Variants in TXNL1 observed in about 807,000 individuals in gnomAD.
The protein encoded by TXNL1 is thioredoxin-like protein 1.
TXNL1 carries 14 observed loss-of-function variants against 35.5 expected under a neutral mutation model. The ratio of observed to expected loss-of-function variants is 0.39; its 90% CI spans 0.26 to 0.62. TXNL1 has a LOEUF of 0.62. TXNL1 is among the 20% of genes least tolerant of loss of function. TXNL1 has a pLI of 0.47. For missense variants in TXNL1, 263 were observed against 349.7 expected (o/e 0.75, Z 1.98); for synonymous variants, 110 against 115.5 (o/e 0.95, Z 0.31).
chr18:56,612,382 T>G (rs2024010937), intron 6 of TXNL1, among the ~76,000 whole-genome samples: 1 of 148,312 alleles, frequency 6.7e-6, no homozygotes, highest in African/African-American at 2.6e-5. Context: ...ACTATGTGCC[T>G]CATTTTTTTT....
intron 1 of TXNL1, among the ~76,000 whole-genome samples, chr18:56,633,906 C>T (rs189933185): frequency 9.3e-4 from 135 of 144,938 alleles, no homozygotes; most frequent in Non-Finnish European, 1.6e-3. Context: ...ATTGCTTGAA[C>T]CTGGGAGGCA....
In TXNL1 at chr18:56,598,184, C is replaced by T. The variant is rs1400853940; in HGVS notation, c.*4843G>A. 6.6e-6 allele frequency: 1 copy of T among 152,164 alleles called. No homozygotes were observed. Among genetic ancestry groups the T allele is most frequent in the Non-Finnish European group, 1.5e-5 (1 of 68,038 alleles). 9.4% of individuals were successfully genotyped at this position (152,164 alleles called of 1,614,324 possible). ...TCTCTGACTCAACCCAAGCATCTCC[C>T]CTTGGACCCTGAGAATTTTTTCAAC... On this transcript the variant is annotated 3_prime_UTR_variant, in exon 8 of 8. Transcript: ENST00000217515.
rs138599285 is a variant in TXNL1 at position 56,601,654 on chromosome 18, T to G, written c.*1373A>C. 116 of 152,300 alleles carry G rather than the reference T, an allele frequency of 7.6e-4. No homozygotes were observed. Among genetic ancestry groups the G allele is most frequent in the African/African-American group, 2.5e-3 (105 of 41,582 alleles). 9.4% of individuals were successfully genotyped at this position (152,300 alleles called of 1,614,324 possible). On this transcript the variant is annotated 3_prime_UTR_variant, in exon 8 of 8. Transcript: ENST00000217515. Reference sequence around the variant, plus strand: ...TTCAACACTAAAACTTCTGTAGAATTTTTTCATAAACAAGTATAAACACAC... The same window carrying G: ...TTCAACACTAAAACTTCTGTAGAATGTTTTCATAAACAAGTATAAACACAC...
chr18:56,605,725 AAG>A (rs2023882080), intron 7 of TXNL1, among the ~76,000 whole-genome samples: 2 of 152,214 alleles, frequency 1.3e-5, no homozygotes, highest in African/African-American at 4.8e-5. Context: ...TGATGCCTAT[AAG>A]AGCCAAAACC....
At chr18:56,613,630 A>C (rs749101744) in intron 6 of TXNL1, among the ~76,000 whole-genome samples, 31 of 152,066 alleles carry the variant, frequency 2.0e-4, no homozygotes, top group Non-Finnish European at 3.5e-4. Flanking sequence ...CCTGGGCCAC[A>C]CAGGGAGAGA....
At chr18:56,633,204 T>C (rs1202764275) in intron 1 of TXNL1, among the ~76,000 whole-genome samples, 1 of 152,010 alleles carries the variant, frequency 6.6e-6, no homozygotes, top group East Asian at 1.9e-4. Flanking sequence ...TCCCAGCACT[T>C]TGGGAGGCCG....
intron 1 of TXNL1, among the ~76,000 whole-genome samples, chr18:56,637,569 A>G (rs1386562835): frequency 6.6e-6 from 1 of 152,204 alleles, no homozygotes; most frequent in Admixed American, 6.5e-5. Flanking sequence ...TCTACGACCT[A>G]TAATTTTGTT....
chr18:56,615,817 C>T (rs990448093), intron 5 of TXNL1, among the ~76,000 whole-genome samples: 1 of 152,092 alleles, frequency 6.6e-6, no homozygotes, highest in African/African-American at 2.4e-5. Flanking sequence ...ATTATTTACT[C>T]ATTCATTTAC....
intron 1 of TXNL1, among the ~76,000 whole-genome samples, chr18:56,632,166 T>A (rs576209419): frequency 9.3e-4 from 142 of 152,206 alleles, no homozygotes; most frequent in Non-Finnish European, 1.6e-3. Context: ...TAAAACAAAT[T>A]CCATTTCATG....
Position 56,617,480 on chromosome 18 carries a change from T to C in TXNL1, c.492+524A>G, listed in dbSNP as rs1236160053. Among the ~76,000 whole-genome samples the C allele has an allele frequency of 3.3e-5, 5 of 152,146 alleles. No homozygotes were observed. In the East Asian group the frequency reaches 9.6e-4, roughly 29 times the overall value. On this transcript the variant is annotated intron_variant, in intron 4 of 7. Coordinates refer to ENST00000217515, the MANE Select transcript of TXNL1 (RefSeq NM_004786.3). ...CTGGAATGGGACAAATCAGTGACAA[T>C]GGAAGAGAAAGTAAACTGAGAAAAG... is the stretch of plus-strand genomic sequence containing the variant.
At chr18:56,616,191 C>T in intron 5 of TXNL1, 54 bp downstream of exon 5, 1 of 1,472,400 alleles carries the variant, frequency 6.8e-7, no homozygotes, top group Admixed American at 2.0e-5. Context: ...TAATTTTATG[C>T]TAACAGTTCT....
chr18:56,608,368 C>G (rs2023936540), intron 7 of TXNL1: 2 of 152,006 alleles, frequency 1.3e-5, no homozygotes, highest in Admixed American at 1.3e-4. Context: ...CAAAGAATAA[C>G]TACAGTACAA....
chr18:56,602,875 C>A lies in TXNL1; in HGVS notation c.*152G>T. The A allele has an allele frequency of 1.2e-6, 1 of 831,638 alleles. No homozygotes were observed. Among genetic ancestry groups the A allele is most frequent in the Non-Finnish European group, 1.9e-6 (1 of 517,922 alleles). 51.5% of individuals were successfully genotyped at this position (831,638 alleles called of 1,614,324 possible). A position where few individuals can be genotyped will look rare whatever the true frequency, so the allele number is the denominator to read the frequency against. ...TTTACAATTGCATGTGTCAAGATTA[C>A]AATGGAAACACTAGTGATACCATCT... On this transcript the variant is annotated 3_prime_UTR_variant, in exon 8 of 8. Coordinates refer to ENST00000217515, the MANE Select transcript of TXNL1 (RefSeq NM_004786.3).
At chr18:56,610,829 A>G in intron 7 of TXNL1, 164 bp downstream of exon 7, 1 of 465,274 alleles carries the variant, frequency 2.1e-6, no homozygotes, top group Non-Finnish European at 3.8e-6. Flanking sequence ...ATCTAAAAAT[A>G]TAGTTAGGGG....
rs2023801098 is a variant in TXNL1 at position 56,600,738 on chromosome 18, T to C, written c.*2289A>G. On this transcript the variant is annotated 3_prime_UTR_variant, in exon 8 of 8. Transcript: ENST00000217515. ...AGAATATTGAGACTGGGGAACAACG[T>C]GGGGCTTGATGTCAAAGAGAACTCA... The C allele has an allele frequency of 6.6e-6, 1 of 152,320 alleles. No homozygotes were observed. Among genetic ancestry groups the C allele is most frequent in the African/African-American group, 2.4e-5 (1 of 41,432 alleles). The allele number at this position is 152,320 out of a possible 1,614,324, so 9.4% of individuals were successfully genotyped here.
At position 56,598,332 on chromosome 18, in the gene TXNL1, A is replaced by G. The variant is rs965744947; in HGVS notation, c.*4695T>C. 6.6e-6 allele frequency: 1 copy of G among 152,224 alleles called. No individual in the cohort carries two copies. 9.4% of individuals were successfully genotyped at this position (152,224 alleles called of 1,614,324 possible). On this transcript the variant is annotated 3_prime_UTR_variant, in exon 8 of 8. Transcript: ENST00000217515. ...GATCATTACAAGTAGCTTGATAAGTATCCGGATGAAATAATGGCAAGGTGT... is the reference window on the plus strand; with the variant it reads ...GATCATTACAAGTAGCTTGATAAGTGTCCGGATGAAATAATGGCAAGGTGT...
In TXNL1 at chr18:56,633,879, G is replaced by A. The variant is rs185568939; in HGVS notation, c.98+4464C>T. On this transcript the variant is annotated intron_variant, in intron 1 of 7. Coordinates refer to ENST00000217515, the MANE Select transcript of TXNL1 (RefSeq NM_004786.3). ...CATACCTGTAATCCCAGCTCCTCAG[G>A]AGGCTGAGGCAGGAGAATTGCTTGA... Among the ~76,000 whole-genome samples, 621 of 150,854 alleles carry A rather than the reference G, an allele frequency of 4.1e-3. 2 individuals are homozygous for A. The highest frequency in any genetic ancestry group is 7.1e-3 in the Non-Finnish European group (480 of 67,846).
At chr18:56,611,238 G>A (rs1013993199) in intron 6 of TXNL1, 141 bp from the exon 7 acceptor site, 11 of 535,222 alleles carry the variant, frequency 2.1e-5, no homozygotes, top group Middle Eastern at 5.5e-4. Context: ...AGTGGCTCAC[G>A]TCTGTAATCC....
In TXNL1 at chr18:56,599,855, A is replaced by C. The variant is rs1438124096; in HGVS notation, c.*3172T>G. ...ATTACAGGCATGAGCCACTGTTCCC[A>C]GCTGGATTTCTTACTCTAAGTTACT... On this transcript the variant is annotated 3_prime_UTR_variant, in exon 8 of 8. Coordinates refer to ENST00000217515, the MANE Select transcript of TXNL1 (RefSeq NM_004786.3). The C allele has an allele frequency of 6.6e-6, 1 of 152,158 alleles. No individual in the cohort carries two copies. Among genetic ancestry groups the C allele is most frequent in the East Asian group, 1.9e-4 (1 of 5,192 alleles). The allele number at this position is 152,158 out of a possible 1,614,324, so 9.4% of individuals were successfully genotyped here.
Sources: allele counts gnomAD v4.1 joint callset (sites outside exome capture counted in the v4.1 genomes callset), GRCh38; gene constraint gnomAD v4.1.1; transcripts MANE v1.5; gene names NCBI Gene and HGNC (gene_info 2026-07-23, HGNC 2026-07-21).